Variants in ZFHX3 observed in about 807,000 individuals in gnomAD.
The protein encoded by ZFHX3 is zinc finger homeobox protein 3.
A neutral mutation model predicts 279.1 loss-of-function variants in ZFHX3; 42 were observed. The ratio of observed to expected loss-of-function variants is 0.15; its 90% CI spans 0.12 to 0.19. The LOEUF (loss-of-function observed/expected upper bound fraction) is 0.19. Ranked by LOEUF, ZFHX3 falls within the 10% of genes least tolerant of loss-of-function variation. The pLI is 1.00. For synonymous variants in ZFHX3, 2,293 were observed against 1,957.8 expected (o/e 1.17, Z -4.52); for missense variants, 4,981 against 4,754.0 (o/e 1.05, Z -1.40).
At chr16:73,437,736 T>C (rs966170664) in intron 3 of ZFHX3, among the ~76,000 whole-genome samples, 3 of 152,220 alleles carry the variant, frequency 2.0e-5, no homozygotes, top group Non-Finnish European at 4.4e-5. Flanking sequence ...CTATGTTTAC[T>C]AGTATGTGGA....
exon 1 of ZFHX3, chr16:73,891,864 T>C (rs980687260): frequency 6.6e-6 from 1 of 151,928 alleles, no homozygotes; most frequent in African/African-American, 2.4e-5. Context: ...GGAAGCATCA[T>C]GAAGTCCAGG....
chr16:72,947,993 A>G (rs1804147915), intron 3 of ZFHX3, among the ~76,000 whole-genome samples: 1 of 152,206 alleles, frequency 6.6e-6, no homozygotes, highest in African/African-American at 2.4e-5. Context: ...CCGTGGAATG[A>G]CGAAACCTTG....
intron 2 of ZFHX3, among the ~76,000 whole-genome samples, chr16:73,555,555 G>A (rs545424182): frequency 4.7e-4 from 72 of 151,960 alleles, no homozygotes; most frequent in Admixed American, 9.8e-4. Context: ...AGTTGGCCGG[G>A]TGCCGGGGCT....
intron 4 of ZFHX3, among the ~76,000 whole-genome samples, chr16:73,272,171 G>T (rs2014165394): frequency 1.3e-5 from 2 of 152,184 alleles, no homozygotes; most frequent in Non-Finnish European, 2.9e-5. Context: ...TTTATTTGGA[G>T]ATTATATTAC....
At chr16:73,617,770 G>T (rs994724366) in intron 2 of ZFHX3, among the ~76,000 whole-genome samples, 10 of 151,350 alleles carry the variant, frequency 6.6e-5, no homozygotes, top group Non-Finnish European at 1.0e-4. Context: ...ATGTTAACTT[G>T]TTTTTTTTTA....
chr16:72,792,805 G>A (rs1365106436), intron 9 of ZFHX3, among the ~76,000 whole-genome samples: 1 of 152,184 alleles, frequency 6.6e-6, no homozygotes. Context: ...GACCCCAGGT[G>A]AGGGCAAAGA....
chr16:73,889,195 G>T (rs1288180166), intron 1 of ZFHX3, among the ~76,000 whole-genome samples: 1 of 152,188 alleles, frequency 6.6e-6, no homozygotes, highest in Non-Finnish European at 1.5e-5. Context: ...AGAGGCCACA[G>T]TGCTACCTGG....
intron 2 of ZFHX3, among the ~76,000 whole-genome samples, chr16:73,473,339 C>CAAAAAAAAAAAAAAAAAAA (rs11347779): frequency 2.1e-4 from 16 of 76,670 alleles, no homozygotes; most frequent in South Asian, 5.1e-4. Flanking sequence ...TGTCTCAAAG[C>CAAAAAAAAAAAAAAAAAAA]AAAAAAAAAA....
intron 2 of ZFHX3, chr16:73,679,516 T>TA (rs2052988929): frequency 3.3e-5 from 5 of 152,282 alleles, no homozygotes; most frequent in African/African-American, 1.2e-4. Context: ...CTCTTTTTTT[T>TA]ACCTTCTTTT....
At chr16:72,950,366 A>T in intron 3 of ZFHX3, 103 bp downstream of exon 3, 1 of 1,518,178 alleles carries the variant, frequency 6.6e-7, no homozygotes, top group South Asian at 1.3e-5. Flanking sequence ...CAAGCAGGCC[A>T]TGCCAGAGAC....
rs867886042 is a variant in ZFHX3, at chr16:73,301,412, C to T, written c.-1194+16828G>A. On this transcript the variant is annotated intron_variant, in intron 4 of 17. Coordinates refer to the ZFHX3 transcript ENST00000641206. The stretch of plus-strand genomic sequence containing the variant: ...ATCTTGGATCTACTGACATTTCAGA[C>T]AGGATGATTTTTTACTGTAGGGGCT... Among the ~76,000 whole-genome samples the T allele has an allele frequency of 1.2e-4, 19 of 152,248 alleles. No individual in the cohort carries two copies. In the South Asian group the frequency reaches 2.5e-3, roughly 20 times the overall value.
At chr16:73,062,197 G>A (rs1336383700), upstream of ZFHX3, 1 of 152,180 alleles carries the variant, frequency 6.6e-6, no homozygotes, top group Non-Finnish European at 1.5e-5. Context: ...AGGGAAAGTG[G>A]AATGTAGGCT....
chr16:73,373,495 G>A (rs937441088), intron 3 of ZFHX3, among the ~76,000 whole-genome samples: 3 of 152,166 alleles, frequency 2.0e-5, no homozygotes, highest in African/African-American at 7.2e-5. Context: ...AGTCTTAGCA[G>A]ATCAGGATGT....
At chr16:72,921,664 C>CTGCA (rs1478119670) in intron 3 of ZFHX3, among the ~76,000 whole-genome samples, 1 of 152,210 alleles carries the variant, frequency 6.6e-6, no homozygotes, top group Non-Finnish European at 1.5e-5. Context: ...CAAATGATCA[C>CTGCA]TGCATGTACA....
At chr16:73,574,917 G>A (rs1307859346) in intron 2 of ZFHX3, among the ~76,000 whole-genome samples, 1 of 152,072 alleles carries the variant, frequency 6.6e-6, no homozygotes, top group East Asian at 1.9e-4. Context: ...CAGCCCCCTG[G>A]AAGTCTTCCC....
At chr16:73,442,698 T>C (rs2018115531) in intron 3 of ZFHX3, among the ~76,000 whole-genome samples, 2 of 152,164 alleles carry the variant, frequency 1.3e-5, no homozygotes. Flanking sequence ...CATGCCCCTC[T>C]TCTCTTTCCT....
intron 1 of ZFHX3, among the ~76,000 whole-genome samples, chr16:73,766,239 C>A (rs2053941006): frequency 6.6e-6 from 1 of 152,188 alleles, no homozygotes; most frequent in South Asian, 2.1e-4. Context: ...AGCAACTTTT[C>A]TTAGGTAATG....
chr16:73,709,762 G>A (rs926854417), intron 1 of ZFHX3, among the ~76,000 whole-genome samples: 4 of 152,196 alleles, frequency 2.6e-5, no homozygotes, highest in South Asian at 2.1e-4. Flanking sequence ...CAAAAGAGTC[G>A]ATTTTAAATG....
intron 5 of ZFHX3, among the ~76,000 whole-genome samples, chr16:72,829,048 T>C (rs1597284594): frequency 6.7e-6 from 1 of 150,056 alleles, no homozygotes; most frequent in Non-Finnish European, 1.5e-5. Context: ...CAGGCTGGAG[T>C]GCAGTGGCTG....
Sources: gnomAD v4.1 joint callset for allele counts (sites outside exome capture counted in the v4.1 genomes callset) on GRCh38, gnomAD v4.1.1 for gene constraint, MANE v1.5 for transcripts, NCBI Gene and HGNC (gene_info 2026-07-23, HGNC 2026-07-21) for gene names.